Variants in RASAL2 observed in about 807,000 individuals in gnomAD.
The protein encoded by RASAL2 is ras GTPase-activating protein nGAP.
A neutral mutation model predicts 128.9 loss-of-function variants in RASAL2; 58 were observed. That is an observed-to-expected ratio of 0.45 (90% CI 0.36 to 0.56). The LOEUF (loss-of-function observed/expected upper bound fraction) is 0.56. RASAL2 is among the 20% of genes least tolerant of loss of function. RASAL2 has a pLI of 0.00. For missense variants in RASAL2, 1,360 were observed against 1,601.6 expected (o/e 0.85, Z 2.57); for synonymous variants, 561 against 580.8 (o/e 0.97, Z 0.49).
intron 1 of RASAL2, among the ~76,000 whole-genome samples, chr1:178,224,678 C>T (rs545885): frequency 0.95 from 145,271 of 152,218 alleles, 69,675 homozygotes; most frequent in East Asian, 1. Context: ...CTTTGTTAAC[C>T]GTAGCATCTA....
intron 17 of RASAL2, among the ~76,000 whole-genome samples, chr1:178,469,369 C>G (rs556364107): frequency 2.5e-4 from 38 of 152,300 alleles, no homozygotes; most frequent in African/African-American, 8.2e-4. Flanking sequence ...CACAGGCTGA[C>G]AGGACAGCCT....
At chr1:178,177,982 GTAGGGGT>G (rs1288353601) in intron 1 of RASAL2, among the ~76,000 whole-genome samples, 1 of 152,126 alleles carries the variant, frequency 6.6e-6, no homozygotes, top group Non-Finnish European at 1.5e-5. Context: ...TCTCCATATT[GTAGGGGT>G]TATTTCTCTT....
chr1:178,253,042 A>G (rs1665128605), intron 1 of RASAL2, among the ~76,000 whole-genome samples: 1 of 152,158 alleles, frequency 6.6e-6, no homozygotes, highest in Admixed American at 6.5e-5. Flanking sequence ...TCAGTTCAGG[A>G]GGCTAGAAGC....
chr1:178,367,693 A>G (rs1368402029), intron 3 of RASAL2, among the ~76,000 whole-genome samples: 1 of 152,228 alleles, frequency 6.6e-6, no homozygotes, highest in African/African-American at 2.4e-5. Context: ...CTTTATTAAA[A>G]TAAAAATTAA....
At chr1:178,140,602 AG>A (rs1204703708) in intron 1 of RASAL2, among the ~76,000 whole-genome samples, 1 of 152,086 alleles carries the variant, frequency 6.6e-6, no homozygotes, top group Non-Finnish European at 1.5e-5. Context: ...TTTTTCGTTT[AG>A]CAATATGCAG....
chr1:178,254,147 A>G (rs1665199600), intron 1 of RASAL2, among the ~76,000 whole-genome samples: 1 of 152,100 alleles, frequency 6.6e-6, no homozygotes, highest in Non-Finnish European at 1.5e-5. Flanking sequence ...TTTCACCTCA[A>G]GTCAAATGCT....
chr1:178,334,705 T>TA (rs1669502456), intron 3 of RASAL2, among the ~76,000 whole-genome samples: 1 of 152,230 alleles, frequency 6.6e-6, no homozygotes, highest in South Asian at 2.1e-4. Flanking sequence ...ATAATCTTTC[T>TA]AAAAAAATAG....
chr1:178,268,890 G>C (rs665318), intron 1 of RASAL2, among the ~76,000 whole-genome samples: 1 of 152,182 alleles, frequency 6.6e-6, no homozygotes, highest in South Asian at 2.1e-4. Flanking sequence ...ATTCTTATTC[G>C]TTGTCATGTT....
chr1:178,413,460 A>G (rs1388512016), intron 4 of RASAL2, among the ~76,000 whole-genome samples: 1 of 152,192 alleles, frequency 6.6e-6, no homozygotes. Context: ...ACTGAGATCT[A>G]ATAGGACTTC....
At chr1:178,218,223 G>A (rs1459574076) in intron 1 of RASAL2, among the ~76,000 whole-genome samples, 1 of 152,128 alleles carries the variant, frequency 6.6e-6, no homozygotes, top group African/African-American at 2.4e-5. Context: ...CCAGATACCT[G>A]TTAATGTTGA....
At chr1:178,276,362 T>C (rs1228232734) in intron 1 of RASAL2, among the ~76,000 whole-genome samples, 1 of 152,226 alleles carries the variant, frequency 6.6e-6, no homozygotes, top group Non-Finnish European at 1.5e-5. Flanking sequence ...GACTGGATTT[T>C]CCTTTCCTTT....
intron 3 of RASAL2, among the ~76,000 whole-genome samples, chr1:178,355,155 A>G (rs1410041089): frequency 6.6e-6 from 1 of 152,170 alleles, no homozygotes; most frequent in African/African-American, 2.4e-5. Flanking sequence ...CTAGGTATCT[A>G]TATATTTGTA....
At position 178,404,580 on chromosome 1, in the gene RASAL2, C is replaced by T. The variant is rs900372203; in HGVS notation, c.564+14374C>T. 1.8e-4 allele frequency among the ~76,000 whole-genome samples: 27 copies of T among 151,990 alleles called. 1 individual carries two copies. Among genetic ancestry groups the T allele is most frequent in the Admixed American group, 1.6e-3 (25 of 15,246 alleles). On this transcript the variant is annotated intron_variant, in intron 4 of 17. Coordinates refer to ENST00000367649, the MANE Select transcript of RASAL2 (RefSeq NM_170692.4). ...ATTTTTAGTAGAGACAGGGTTTCAC[C>T]ATGTTGGCCAGGCTGGTCTCAATCT...
intron 1 of RASAL2, among the ~76,000 whole-genome samples, chr1:178,103,285 T>C (rs1174553849): frequency 1.3e-5 from 2 of 152,148 alleles, no homozygotes; most frequent in Non-Finnish European, 2.9e-5. Flanking sequence ...CCTGAATTAA[T>C]CATAACTCAT....
intron 1 of RASAL2, among the ~76,000 whole-genome samples, chr1:178,244,894 A>G (rs903010683): frequency 1.3e-5 from 2 of 152,176 alleles, no homozygotes; most frequent in Admixed American, 1.3e-4. Context: ...TGTCCCTCCA[A>G]AGGACATGAA....
At chr1:178,349,095 G>A (rs773793254) in intron 3 of RASAL2, among the ~76,000 whole-genome samples, 4 of 150,634 alleles carry the variant, frequency 2.7e-5, no homozygotes, top group Non-Finnish European at 4.4e-5. Context: ...CACCGCGCCC[G>A]GCCCGACACC....
intron 3 of RASAL2, among the ~76,000 whole-genome samples, chr1:178,387,388 T>G (rs940394230): frequency 6.6e-6 from 1 of 152,148 alleles, no homozygotes. Context: ...TTTATTATTA[T>G]TATACTTTAA....
At chr1:178,463,264 T>G (rs907837600) in intron 14 of RASAL2, among the ~76,000 whole-genome samples, 25 of 152,120 alleles carry the variant, frequency 1.6e-4, no homozygotes, top group Non-Finnish European at 2.9e-4. Flanking sequence ...TTACTCTCTC[T>G]CTCTGAGGCA....
chr1:178,471,355 G>A (rs1427403801), intron 17 of RASAL2, among the ~76,000 whole-genome samples: 11 of 151,946 alleles, frequency 7.2e-5, no homozygotes, highest in Non-Finnish European at 1.6e-4. Context: ...GCTTTTCAAA[G>A]ATCTATATTT....
Sources: gnomAD v4.1 joint callset for allele counts (sites outside exome capture counted in the v4.1 genomes callset) on GRCh38, gnomAD v4.1.1 for gene constraint, MANE v1.5 for transcripts, NCBI Gene and HGNC (gene_info 2026-07-23, HGNC 2026-07-21) for gene names.